Variants in GRIK2 observed in about 807,000 individuals in gnomAD.
GRIK2 encodes the protein glutamate ionotropic receptor kainate type subunit 2.
GRIK2 carries 32 observed loss-of-function variants against 100.3 expected under a neutral mutation model. That is an observed-to-expected ratio of 0.32 (90% CI 0.24 to 0.43). The LOEUF (loss-of-function observed/expected upper bound fraction) is 0.43. Ranked by LOEUF, GRIK2 falls within the 20% of genes least tolerant of loss-of-function variation. GRIK2 has a pLI of 1.00. For missense variants in GRIK2, 843 were observed against 1,114.9 expected, an observed-to-expected ratio of 0.76 and a Z score of 3.47; for synonymous variants, 417 against 389.4, an observed-to-expected ratio of 1.07 and a Z score of -0.83.
intron 14 of GRIK2, among the ~76,000 whole-genome samples, chr6:101,968,045 T>C (rs1277886060): frequency 1.3e-5 from 2 of 151,888 alleles, no homozygotes. Context: ...AAGATGTGAC[T>C]TCACTCAAAG....
At chr6:102,039,890 C>G (rs908098816) in intron 15 of GRIK2, among the ~76,000 whole-genome samples, 2 of 151,472 alleles carry the variant, frequency 1.3e-5, no homozygotes, top group African/African-American at 4.8e-5. Context: ...CTCTTTCTTT[C>G]ATGTATTAGT....
chr6:101,925,575 A>G lies in GRIK2; in HGVS notation c.1867+856A>G, dbSNP rs1482465186. 2.0e-5 allele frequency among the ~76,000 whole-genome samples: 3 copies of G among 152,174 alleles called. No homozygotes were observed. The East Asian group carries it at 5.8e-4, about 29-fold the overall frequency. On this transcript the variant is annotated intron_variant, in intron 13 of 16. Coordinates refer to ENST00000369134, the MANE Select transcript of GRIK2 (RefSeq NM_021956.5). ...CTAAGACTAGTTTTGCCAATTTAAA[A>G]TGTAACATTTTAAAGTTTTAAAATT...
At chr6:101,441,815 C>G (rs948539381) in intron 2 of GRIK2, among the ~76,000 whole-genome samples, 3 of 152,132 alleles carry the variant, frequency 2.0e-5, no homozygotes, top group African/African-American at 7.2e-5. Context: ...GCCCTAATGT[C>G]TGTTGTTCCC....
intron 7 of GRIK2, among the ~76,000 whole-genome samples, chr6:101,765,050 C>T (rs558130770): frequency 3.9e-4 from 60 of 152,136 alleles, no homozygotes; most frequent in Non-Finnish European, 8.2e-4. Context: ...TGTTGTCTCT[C>T]ATTTCTGAGC....
rs189151637 is a variant in GRIK2 at position 101,907,789 on chromosome 6, G to A, written c.1749-16812G>A. Among the ~76,000 whole-genome samples, 18 of 151,308 alleles carry A rather than the reference G, an allele frequency of 1.2e-4. No homozygotes were observed. In the East Asian group the frequency reaches 3.3e-3, roughly 28 times the overall value. On this transcript the variant is annotated intron_variant, in intron 12 of 16. Coordinates refer to ENST00000369134, the MANE Select transcript of GRIK2 (RefSeq NM_021956.5). ...GTTTCAATCCATAAAATATGACTACGACATAAACTTTAGAGTTCTATCAGC... is the reference window on the plus strand; with the variant it reads ...GTTTCAATCCATAAAATATGACTACAACATAAACTTTAGAGTTCTATCAGC...
intron 14 of GRIK2, among the ~76,000 whole-genome samples, chr6:101,958,402 T>C (rs2128481514): frequency 6.6e-6 from 1 of 152,104 alleles, no homozygotes; most frequent in South Asian, 2.1e-4. Flanking sequence ...TCTGAAGTTG[T>C]TTAACAAATC....
intron 15 of GRIK2, among the ~76,000 whole-genome samples, chr6:102,042,980 A>G (rs1295745143): frequency 6.6e-6 from 1 of 151,630 alleles, no homozygotes; most frequent in African/African-American, 2.4e-5. Context: ...TAGAGGATAT[A>G]CAGAATATTA....
intron 11 of GRIK2, among the ~76,000 whole-genome samples, chr6:101,872,046 G>T (rs1304785726): frequency 6.6e-6 from 1 of 151,730 alleles, no homozygotes; most frequent in Non-Finnish European, 1.5e-5. Context: ...GTTATTTTTT[G>T]TTGTTGTTGA....
intron 13 of GRIK2, among the ~76,000 whole-genome samples, chr6:101,925,678 G>A (rs983964216): frequency 2.0e-5 from 3 of 151,668 alleles, no homozygotes; most frequent in Non-Finnish European, 4.4e-5. Context: ...CTTCATAAGA[G>A]TTATCATACC....
At chr6:101,582,367 C>T (rs773653117) in intron 2 of GRIK2, among the ~76,000 whole-genome samples, 1 of 152,036 alleles carries the variant, frequency 6.6e-6, no homozygotes, top group Non-Finnish European at 1.5e-5. Flanking sequence ...ATGATGGTTT[C>T]CCAACCCAAA....
intron 11 of GRIK2, among the ~76,000 whole-genome samples, chr6:101,877,046 C>T (rs1785900424): frequency 6.6e-6 from 1 of 151,816 alleles, no homozygotes; most frequent in Admixed American, 6.6e-5. Context: ...TTTGTATTCC[C>T]TCTATACAAA....
At chr6:101,421,668 T>C (rs187056716) in intron 2 of GRIK2, among the ~76,000 whole-genome samples, 104 of 152,156 alleles carry the variant, frequency 6.8e-4, no homozygotes, top group Non-Finnish European at 1.2e-3. Flanking sequence ...CTGTTTTTTT[T>C]CTCCAAAATA....
intron 16 of GRIK2, among the ~76,000 whole-genome samples, chr6:102,062,412 A>G (rs1771798312): frequency 6.6e-6 from 1 of 150,402 alleles, no homozygotes; most frequent in Admixed American, 6.7e-5. Context: ...TCATAGATGG[A>G]AGTTAAGATA....
At chr6:101,394,811 A>C (rs1582348706) in intron 1 of GRIK2, among the ~76,000 whole-genome samples, 1 of 152,304 alleles carries the variant, frequency 6.6e-6, no homozygotes, top group East Asian at 1.9e-4. Context: ...GGCCTTAAAA[A>C]CTTTTGAGTC....
intron 7 of GRIK2, among the ~76,000 whole-genome samples, chr6:101,721,130 T>G (rs1029123285): frequency 6.6e-6 from 1 of 152,096 alleles, no homozygotes; most frequent in Non-Finnish European, 1.5e-5. Flanking sequence ...TCAGGCAGCT[T>G]CTTCTATAGG....
intron 10 of GRIK2, among the ~76,000 whole-genome samples, chr6:101,825,849 T>C (rs1457691610): frequency 6.6e-6 from 1 of 152,136 alleles, no homozygotes; most frequent in Non-Finnish European, 1.5e-5. Context: ...GAAGATGTTA[T>C]CACAATAGGA....
intron 2 of GRIK2, among the ~76,000 whole-genome samples, chr6:101,442,143 GTC>G (rs1008690851): frequency 1.3e-5 from 2 of 152,122 alleles, no homozygotes; most frequent in Non-Finnish European, 2.9e-5. Flanking sequence ...CCACAGATGT[GTC>G]TGAAAATGTT....
At chr6:101,801,903 C>A (rs2128414450) in intron 8 of GRIK2, among the ~76,000 whole-genome samples, 1 of 151,908 alleles carries the variant, frequency 6.6e-6, no homozygotes, top group Admixed American at 6.6e-5. Context: ...TTCAGTTTCT[C>A]TTATTGTAAT....
chr6:101,695,559 T>C (rs774276445), intron 7 of GRIK2, among the ~76,000 whole-genome samples: 2 of 152,120 alleles, frequency 1.3e-5, no homozygotes, highest in Non-Finnish European at 2.9e-5. Flanking sequence ...TTTATACATA[T>C]CTATATCTAT....
Sources: allele counts gnomAD v4.1 joint callset (sites outside exome capture counted in the v4.1 genomes callset), GRCh38; gene constraint gnomAD v4.1.1; transcripts MANE v1.5; gene names NCBI Gene and HGNC (gene_info 2026-07-23, HGNC 2026-07-21).